AREL1: variants seen among roughly 807,000 people sequenced by gnomAD.
AREL1 encodes the protein apoptosis resistant E3 ubiquitin protein ligase 1.
Under a neutral mutation model 99.0 loss-of-function variants are expected in AREL1, and 62 were observed. The observed-to-expected ratio is 0.63, with a 90% CI of 0.51 to 0.77. The LOEUF is 0.77. AREL1 is among the 30% of genes least tolerant of loss of function. The pLI is 0.00. For missense variants in AREL1, 879 were observed against 1,027.6 expected, an observed-to-expected ratio of 0.86 and a Z score of 1.98; for synonymous variants, 380 against 376.5, an observed-to-expected ratio of 1.01 and a Z score of -0.11.
At chr14:74,676,866 G>A (rs924274616) in intron 5 of AREL1, 114 bp from the exon 6 acceptor site, 8 of 834,826 alleles carry the variant, frequency 9.6e-6, no homozygotes, top group East Asian at 3.4e-5. Context: ...GCGCAATCTC[G>A]GCTCACTGCA....
chr14:74,675,878 G>GA lies in AREL1; in HGVS notation c.900dup (p.Leu301SerfsTer3). 1 of 1,614,004 alleles carries GA rather than the reference G, an allele frequency of 6.2e-7. No homozygotes were observed. The highest frequency in any genetic ancestry group is 8.5e-7 in the Non-Finnish European group (1 of 1,179,968). ...CTGCTACAGTTGGTAGCATTATAAA[G>GA]ATAAGCCTCAAAGTAAATGCTCACG... On this transcript the variant is annotated frameshift_variant, in exon 8 of 20. Transcript: ENST00000356357. LOFTEE classifies it high-confidence loss of function.
intron 17 of AREL1, among the ~76,000 whole-genome samples, chr14:74,666,715 T>C (rs1203662417): frequency 2.7e-5 from 4 of 146,500 alleles, no homozygotes; most frequent in East Asian, 3.9e-4. Context: ...TTACTACTCA[T>C]TGATTTTTTT....
At chr14:74,688,654 C>T (rs1444256684) in intron 2 of AREL1, among the ~76,000 whole-genome samples, 1 of 152,134 alleles carries the variant, frequency 6.6e-6, no homozygotes, top group African/African-American at 2.4e-5. Context: ...CATTCGCTGA[C>T]ATCAACTTTA....
intron 1 of AREL1, among the ~76,000 whole-genome samples, chr14:74,709,295 C>G (rs1594773957): frequency 6.6e-6 from 1 of 152,072 alleles, no homozygotes; most frequent in South Asian, 2.1e-4. Context: ...TAAAATGATA[C>G]ACTAGAGTCC....
At position 74,672,946 on chromosome 14, in the gene AREL1, G is replaced by C; in HGVS notation, c.1307C>G (p.Ser436Cys). ...GTTCACCTTGTCCTGAAAGGTCTCA[G>C]AGCCTCCTGGGGAACAGCAAGATCC... is the stretch of plus-strand genomic sequence containing the variant. ...IRSLHKNIGGSETFQDKVNFF... is the reference protein window; with the variant it reads ...IRSLHKNIGGCETFQDKVNFF... Residue 436 changes from serine (S) to cysteine (C), a missense_variant, in exon 11 of 20, where the codon TCT becomes TGT. By Grantham distance (112) the Ser-to-Cys change is moderately radical. Coordinates refer to ENST00000356357, the MANE Select transcript of AREL1 (RefSeq NM_001039479.2). 6.2e-7 allele frequency: 1 copy of C among 1,614,176 alleles called. No homozygotes were observed. Among genetic ancestry groups the C allele is most frequent in the Non-Finnish European group, 8.5e-7 (1 of 1,180,020 alleles).
chr14:74,692,919 G>A (rs1008064123), intron 1 of AREL1, among the ~76,000 whole-genome samples: 2 of 152,058 alleles, frequency 1.3e-5, no homozygotes, highest in African/African-American at 4.8e-5. Flanking sequence ...ATGTTGCTCA[G>A]GCTAGTCTTG....
In AREL1 at chr14:74,685,765, A is replaced by G. The variant is rs74328362; in HGVS notation, c.-45-105T>C. ...TGGCGTGAGCCAAACAACTCTCTCT[A>G]GTCCAGAGCCTTACTATTCCTATCC... On this transcript the variant is annotated intron_variant, in intron 2 of 19. Coordinates refer to ENST00000356357, the MANE Select transcript of AREL1 (RefSeq NM_001039479.2). 1,355 of 909,736 alleles carry G rather than the reference A, an allele frequency of 1.5e-3. 10 individuals are homozygous for G. The African/African-American group carries it at 0.016, about 11-fold the overall frequency. The allele number at this position is 909,736 out of a possible 1,614,324, so 56.4% of individuals were successfully genotyped here.
rs1447924826 is a variant in AREL1, at chr14:74,673,146, C to T, written c.1231G>A (p.Val411Met). The stretch of plus-strand genomic sequence containing the variant: ...TTCCTCTCCTTACAGCTGAGCTCCA[C>T]AGGAGGTTGAATGCCATCATCCACC... The part of the protein sequence containing the change: ...LVVDDGIQPP[V>M]ELSCKERNIL... The change falls in exon 10 of 20, where the codon GTG (valine) becomes ATG (methionine). Residue 411 changes from valine to methionine, a missense_variant. Physicochemically the swap from Val to Met is conservative, Grantham distance 21 (BLOSUM62 1). Transcript: ENST00000356357. The T allele has an allele frequency of 6.2e-7, 1 of 1,614,182 alleles. No homozygotes were observed. Among genetic ancestry groups the T allele is most frequent in the African/African-American group, 1.3e-5 (1 of 75,050 alleles).
chr14:74,700,896 C>T (rs749631834), intron 1 of AREL1, among the ~76,000 whole-genome samples: 1 of 152,156 alleles, frequency 6.6e-6, no homozygotes, highest in Non-Finnish European at 1.5e-5. Context: ...AAGGATCACA[C>T]ATTTTAAATG....
At chr14:74,666,327 T>C (rs1475041557) in intron 17 of AREL1, among the ~76,000 whole-genome samples, 1 of 152,248 alleles carries the variant, frequency 6.6e-6, no homozygotes, top group Non-Finnish European at 1.5e-5. Context: ...GTCTCATCTG[T>C]GAGCAACAGG....
chr14:74,705,909 G>C (rs958115155), intron 1 of AREL1, among the ~76,000 whole-genome samples: 6 of 152,192 alleles, frequency 3.9e-5, no homozygotes, highest in Non-Finnish European at 8.8e-5. Flanking sequence ...AGGAAAAAGG[G>C]ATTCAAAGCT....
In AREL1 at chr14:74,684,631, G is replaced by A. The variant is rs910926450; in HGVS notation, c.66C>T (p.Leu22=). Residue 22 remains leucine, a synonymous_variant, in exon 4 of 20, where the codon CTC becomes CTT. Coordinates refer to ENST00000356357, the MANE Select transcript of AREL1 (RefSeq NM_001039479.2). The stretch of plus-strand genomic sequence containing the variant: ...TGACTACACGTGCGGCAAGCTCAAA[G>A]AGGAACTTAATTGTGAAGAAGAATG... The part of the protein sequence containing the change: ...VVAFFFTIKF[L]FELAARVVSF... The A allele has an allele frequency of 1.2e-6, 2 of 1,614,180 alleles. No individual in the cohort carries two copies. Among genetic ancestry groups the A allele is most frequent in the African/African-American group, 1.3e-5 (1 of 75,042 alleles).
chr14:74,672,570 T>C (rs2089373964), intron 11 of AREL1, among the ~76,000 whole-genome samples: 1 of 151,826 alleles, frequency 6.6e-6, no homozygotes, highest in Non-Finnish European at 1.5e-5. Context: ...AATCCCATCT[T>C]TACAAAAAAT....
At chr14:74,680,089 T>C (rs1359196222) in intron 5 of AREL1, among the ~76,000 whole-genome samples, 2 of 151,194 alleles carry the variant, frequency 1.3e-5, no homozygotes, top group African/African-American at 2.4e-5. Flanking sequence ...CACAGGAGAA[T>C]TGCCAGAACC....
intron 1 of AREL1, among the ~76,000 whole-genome samples, chr14:74,705,370 A>G (rs377369051): frequency 1.3e-5 from 2 of 152,104 alleles, no homozygotes; most frequent in Non-Finnish European, 2.9e-5. Context: ...ATTTGGAAAG[A>G]TTTTAATATT....
At chr14:74,670,169 C>T (rs1345961835) in intron 13 of AREL1, 43 bp from the exon 14 acceptor site, 1 of 1,535,038 alleles carries the variant, frequency 6.5e-7, no homozygotes, top group Non-Finnish European at 8.8e-7. Flanking sequence ...CATTTTTCTT[C>T]AAGCCCAGTT....
chr14:74,694,158 G>A (rs753130346), intron 1 of AREL1, among the ~76,000 whole-genome samples: 2 of 151,174 alleles, frequency 1.3e-5, no homozygotes, highest in Non-Finnish European at 2.9e-5. Context: ...CTGGGCAACA[G>A]AGCCAGACCC....
rs375993687 is a variant in AREL1 at position 74,671,467 on chromosome 14, C to T, written c.1439G>A (p.Arg480Gln). 7.5e-6 allele frequency: 12 copies of T among 1,596,764 alleles called. No individual in the cohort carries two copies. The highest frequency in any genetic ancestry group is 2.3e-5 in the East Asian group (1 of 43,280). ...GCTCCAATCTGAGATGGAGAAATTC[C>T]GAGTGGCTTTCAGAGACTGAAAAGA... ...ALLESSLKAT[R>Q]NFSISDWSKN... The change falls in exon 12 of 20, where the codon CGG (arginine) becomes CAG (glutamine). Residue 480 changes from arginine (R) to glutamine (Q), a missense_variant. Coordinates refer to ENST00000356357, the MANE Select transcript of AREL1 (RefSeq NM_001039479.2).
chr14:74,664,776 C>T, intron 18 of AREL1, 60 bp downstream of exon 18: 1 of 1,521,048 alleles, frequency 6.6e-7, no homozygotes, highest in Middle Eastern at 1.7e-4. Flanking sequence ...CTTTTTTCTT[C>T]TGAAACTTTT....
Sources: allele counts gnomAD v4.1 joint callset (sites outside exome capture counted in the v4.1 genomes callset), GRCh38; gene constraint gnomAD v4.1.1; transcripts MANE v1.5; gene names NCBI Gene and HGNC (gene_info 2026-07-23, HGNC 2026-07-21).